Variants in CACNG3 observed in about 807,000 individuals in gnomAD.
CACNG3 encodes voltage-dependent calcium channel gamma-3 subunit.
Under a neutral mutation model 28.5 loss-of-function variants are expected in CACNG3, and 3 were observed. That is an observed-to-expected ratio of 0.11 (90% CI 0.05 to 0.27). The LOEUF (loss-of-function observed/expected upper bound fraction) is 0.27. Ranked by LOEUF, CACNG3 falls within the 10% of genes least tolerant of loss-of-function variation. The pLI is 1.00. For synonymous variants in CACNG3, 174 were observed against 162.2 expected, an observed-to-expected ratio of 1.07 and a Z score of -0.55; for missense variants, 236 against 414.4, an observed-to-expected ratio of 0.57 and a Z score of 3.74.
chr16:24,351,661 CGAAA>C (rs146309041), intron 2 of CACNG3, among the ~76,000 whole-genome samples: 1,141 of 111,116 alleles, frequency 0.01, 16 homozygotes, highest in African/African-American at 0.032. Flanking sequence ...GAAAGACAGA[CGAAA>C]GAAAGAAAGA....
intron 1 of CACNG3, among the ~76,000 whole-genome samples, chr16:24,275,069 A>G (rs1898736181): frequency 1.3e-5 from 2 of 152,168 alleles, no homozygotes; most frequent in Non-Finnish European, 1.5e-5. Context: ...CAGAATAATA[A>G]TAAGATATGG....
At chr16:24,285,244 A>C (rs965899329) in intron 1 of CACNG3, among the ~76,000 whole-genome samples, 1 of 152,176 alleles carries the variant, frequency 6.6e-6, no homozygotes, top group Non-Finnish European at 1.5e-5. Flanking sequence ...ATCCTTTCTT[A>C]GCTATGTGGT....
intron 1 of CACNG3, among the ~76,000 whole-genome samples, chr16:24,336,096 GC>G (rs1188229837): frequency 6.6e-6 from 1 of 151,716 alleles, no homozygotes; most frequent in Non-Finnish European, 1.5e-5. Flanking sequence ...TTGGTGGCAT[GC>G]ACCTGTAGTC....
At chr16:24,334,412 C>G (rs1416382976) in intron 1 of CACNG3, among the ~76,000 whole-genome samples, 1 of 152,184 alleles carries the variant, frequency 6.6e-6, no homozygotes, top group African/African-American at 2.4e-5. Flanking sequence ...CCAGAGCCTG[C>G]TCTGAAGTGA....
At chr16:24,307,930 G>T (rs1458148117) in intron 1 of CACNG3, among the ~76,000 whole-genome samples, 3 of 152,160 alleles carry the variant, frequency 2.0e-5, no homozygotes, top group African/African-American at 7.2e-5. Context: ...GGCTGGGGTG[G>T]TCATTGTCCC....
chr16:24,333,431 A>C (rs916282153), intron 1 of CACNG3: 1 of 152,586 alleles, frequency 6.6e-6, no homozygotes, highest in Admixed American at 6.5e-5. Flanking sequence ...TACAGGTCTC[A>C]TTGTCACCAC....
intron 1 of CACNG3, among the ~76,000 whole-genome samples, chr16:24,326,616 C>T (rs1284798580): frequency 6.6e-6 from 1 of 152,180 alleles, no homozygotes; most frequent in Non-Finnish European, 1.5e-5. Context: ...ATGTGCTCAC[C>T]CTCTTAGCCA....
At chr16:24,261,558 G>A (rs1298683158) in intron 1 of CACNG3, among the ~76,000 whole-genome samples, 1 of 152,162 alleles carries the variant, frequency 6.6e-6, no homozygotes, top group African/African-American at 2.4e-5. Context: ...TTTCAGCCTT[G>A]TAAATTACCT....
At chr16:24,330,130 T>C (rs2141373261) in intron 1 of CACNG3, among the ~76,000 whole-genome samples, 1 of 152,218 alleles carries the variant, frequency 6.6e-6, no homozygotes, top group East Asian at 1.9e-4. Flanking sequence ...CCCTCACATC[T>C]GCTGGAGCAT....
chr16:24,260,868 A>G (rs146187885), intron 1 of CACNG3, among the ~76,000 whole-genome samples: 2 of 152,330 alleles, frequency 1.3e-5, no homozygotes, highest in African/African-American at 4.8e-5. Context: ...GTAGAGCCCT[A>G]ACCTGCTGCG....
chr16:24,275,890 C>T (rs868865783), intron 1 of CACNG3, among the ~76,000 whole-genome samples: 5 of 152,294 alleles, frequency 3.3e-5, no homozygotes, highest in African/African-American at 1.2e-4. Flanking sequence ...AAGACCCATT[C>T]AACGTGCAGG....
intron 1 of CACNG3, among the ~76,000 whole-genome samples, chr16:24,332,672 C>T (rs766670119): frequency 1.1e-4 from 17 of 152,146 alleles, no homozygotes; most frequent in Middle Eastern, 3.4e-3. Flanking sequence ...AATTCATTAT[C>T]CAAATCCCTG....
At chr16:24,280,438 A>T (rs1282835491) in intron 1 of CACNG3, among the ~76,000 whole-genome samples, 2 of 152,192 alleles carry the variant, frequency 1.3e-5, no homozygotes, top group Non-Finnish European at 2.9e-5. Context: ...CATCATTCGG[A>T]TGAAGGATCG....
intron 1 of CACNG3, among the ~76,000 whole-genome samples, chr16:24,306,492 A>G (rs1257719958): frequency 6.6e-6 from 1 of 152,180 alleles, no homozygotes. Flanking sequence ...CTCTGGACTA[A>G]TAAAGATTCC....
At chr16:24,278,941 T>G (rs1898785426) in intron 1 of CACNG3, among the ~76,000 whole-genome samples, 1 of 151,966 alleles carries the variant, frequency 6.6e-6, no homozygotes, top group Non-Finnish European at 1.5e-5. Flanking sequence ...TGAGCAAAAG[T>G]TAGAGAGATG....
intron 3 of CACNG3, among the ~76,000 whole-genome samples, chr16:24,359,728 T>A (rs1194674559): frequency 1.3e-5 from 2 of 151,996 alleles, no homozygotes; most frequent in African/African-American, 4.8e-5. Flanking sequence ...CTGTGCTTGG[T>A]AGCACATACC....
intron 1 of CACNG3, among the ~76,000 whole-genome samples, chr16:24,306,901 T>C (rs1303471855): frequency 6.6e-6 from 1 of 152,142 alleles, no homozygotes; most frequent in Non-Finnish European, 1.5e-5. Flanking sequence ...CCCCTTAGTC[T>C]GTTTGACACG....
At chr16:24,343,242 CTGG>C (rs1442249312) in intron 1 of CACNG3, among the ~76,000 whole-genome samples, 6 of 152,046 alleles carry the variant, frequency 3.9e-5, no homozygotes, top group Non-Finnish European at 7.4e-5. Flanking sequence ...CCAGGAGCTA[CTGG>C]CGTTTGCTGG....
intron 1 of CACNG3, among the ~76,000 whole-genome samples, chr16:24,308,575 C>T (rs1246662035): frequency 1.3e-5 from 2 of 151,958 alleles, no homozygotes; most frequent in Non-Finnish European, 2.9e-5. Context: ...TATTATCAGG[C>T]CAGGCGCCGT....
Sources: gnomAD v4.1 joint callset for allele counts (sites outside exome capture counted in the v4.1 genomes callset) on GRCh38, gnomAD v4.1.1 for gene constraint, MANE v1.5 for transcripts, NCBI Gene and HGNC (gene_info 2026-07-23, HGNC 2026-07-21) for gene names.